Variants in FOXO3 observed in about 807,000 individuals in gnomAD.
FOXO3 encodes the protein forkhead box O3.
FOXO3 carries 4 observed loss-of-function variants against 41.9 expected under a neutral mutation model. That is an observed-to-expected ratio of 0.10 (90% CI 0.05 to 0.22). The LOEUF (loss-of-function observed/expected upper bound fraction) is 0.22. Among genes scored for constraint, FOXO3 ranks in the 10% least tolerant of loss-of-function variants. The pLI is 1.00. For synonymous variants in FOXO3, 318 were observed against 389.3 expected, an observed-to-expected ratio of 0.82 and a Z score of 2.16; for missense variants, 534 against 906.8, an observed-to-expected ratio of 0.59 and a Z score of 5.28.
At chr6:108,609,757 T>C (rs1777306927) in intron 1 of FOXO3, among the ~76,000 whole-genome samples, 2 of 152,238 alleles carry the variant, frequency 1.3e-5, no homozygotes, top group African/African-American at 4.8e-5. Context: ...TTCTCACTCA[T>C]TTCTTCAGGA....
chr6:108,576,490 G>A (rs999210026), intron 1 of FOXO3, among the ~76,000 whole-genome samples: 1 of 152,204 alleles, frequency 6.6e-6, no homozygotes, highest in Non-Finnish European at 1.5e-5. Context: ...GGTGCCATGT[G>A]TTAAATTAGG....
chr6:108,663,076 T>TA (rs1778918432), intron 1 of FOXO3, among the ~76,000 whole-genome samples: 1 of 152,160 alleles, frequency 6.6e-6, no homozygotes, highest in African/African-American at 2.4e-5. Context: ...GAGGCAGCTT[T>TA]AAAAAATGAG....
At chr6:108,608,561 A>G (rs1777272094) in intron 1 of FOXO3, among the ~76,000 whole-genome samples, 1 of 152,182 alleles carries the variant, frequency 6.6e-6, no homozygotes, top group Non-Finnish European at 1.5e-5. Context: ...ATCCAGGAAC[A>G]AAAATACTCT....
intron 1 of FOXO3, among the ~76,000 whole-genome samples, chr6:108,650,377 T>C (rs1778514671): frequency 6.6e-6 from 1 of 152,208 alleles, no homozygotes. Context: ...TACGTTCTTT[T>C]AGCCCCTGAG....
intron 2 of FOXO3, among the ~76,000 whole-genome samples, chr6:108,677,731 T>G (rs966295992): frequency 6.6e-6 from 1 of 152,152 alleles, no homozygotes; most frequent in Admixed American, 6.5e-5. Flanking sequence ...TCCAGAGGAC[T>G]GTGCCTGTGA....
intron 1 of FOXO3, among the ~76,000 whole-genome samples, chr6:108,660,409 G>A (rs946392569): frequency 6.6e-6 from 1 of 152,174 alleles, no homozygotes; most frequent in African/African-American, 2.4e-5. Context: ...TACTCAGCAT[G>A]TTGCTTATGT....
chr6:108,560,518 G>A (rs367617575), upstream of FOXO3, among the ~76,000 whole-genome samples: 2 of 152,302 alleles, frequency 1.3e-5, no homozygotes, highest in East Asian at 3.9e-4. Context: ...GCGAAGAGGG[G>A]AGAGGGAGCT....
At chr6:108,648,258 G>A (rs1778447146) in intron 1 of FOXO3, among the ~76,000 whole-genome samples, 1 of 152,222 alleles carries the variant, frequency 6.6e-6, no homozygotes, top group East Asian at 1.9e-4. Flanking sequence ...GGAGATGGGA[G>A]TAGGAATGGA....
chr6:108,604,596 G>A (rs1476859254), intron 1 of FOXO3, among the ~76,000 whole-genome samples: 1 of 152,144 alleles, frequency 6.6e-6, no homozygotes, highest in Non-Finnish European at 1.5e-5. Flanking sequence ...CAAGAAATAA[G>A]TGTTACAGTG....
chr6:108,563,941 G>A (rs1192921029), intron 1 of FOXO3, among the ~76,000 whole-genome samples: 3 of 150,454 alleles, frequency 2.0e-5, no homozygotes, highest in South Asian at 2.1e-4. Flanking sequence ...TTATGTCATC[G>A]TTTTTTTGTC....
At chr6:108,598,262 T>C (rs1160477233) in intron 1 of FOXO3, among the ~76,000 whole-genome samples, 1 of 152,180 alleles carries the variant, frequency 6.6e-6, no homozygotes, top group Non-Finnish European at 1.5e-5. Flanking sequence ...TTTCTGTTCT[T>C]TGTAGAATTT....
chr6:108,595,618 C>A (rs1358525509), intron 1 of FOXO3, among the ~76,000 whole-genome samples: 1 of 151,994 alleles, frequency 6.6e-6, no homozygotes, highest in Non-Finnish European at 1.5e-5. Flanking sequence ...TAATACAAAT[C>A]CTAAAGATAG....
chr6:108,676,618 T>G (rs554798091), intron 2 of FOXO3, among the ~76,000 whole-genome samples: 1 of 152,346 alleles, frequency 6.6e-6, no homozygotes, highest in East Asian at 1.9e-4. Flanking sequence ...AATAACCGTA[T>G]AACTAAAATG....
intron 1 of FOXO3, among the ~76,000 whole-genome samples, chr6:108,587,016 G>A (rs963102522): frequency 2.0e-5 from 3 of 149,948 alleles, no homozygotes; most frequent in Non-Finnish European, 3.0e-5. Flanking sequence ...TTGCTGTGTT[G>A]CCTAGACTGG....
At chr6:108,597,751 G>T (rs1014557780) in intron 1 of FOXO3, among the ~76,000 whole-genome samples, 3 of 152,164 alleles carry the variant, frequency 2.0e-5, no homozygotes, top group Admixed American at 1.3e-4. Flanking sequence ...TCCAGCTGCA[G>T]CATGTGAGGT....
chr6:108,646,806 AG>A (rs1778403783), intron 1 of FOXO3, among the ~76,000 whole-genome samples: 1 of 152,222 alleles, frequency 6.6e-6, no homozygotes, highest in South Asian at 2.1e-4. Flanking sequence ...GGTTTAGTTC[AG>A]AAGAGAAAAT....
intron 1 of FOXO3, among the ~76,000 whole-genome samples, chr6:108,593,380 T>G (rs963676121): frequency 6.6e-6 from 1 of 152,030 alleles, no homozygotes; most frequent in Non-Finnish European, 1.5e-5. Context: ...CTTTGCTGTG[T>G]ATTTCTTTTT....
In FOXO3 at chr6:108,680,898, A is replaced by G. The variant is rs1055636591; in HGVS notation, c.*1106A>G. Reference sequence around the variant, plus strand: ...TTCTAACTTCACTGTTTTCCTAAATACACATCCTTGATTATTTTCAGCCTT... The same window carrying G: ...TTCTAACTTCACTGTTTTCCTAAATGCACATCCTTGATTATTTTCAGCCTT... On this transcript the variant is annotated 3_prime_UTR_variant, in exon 3 of 3. Transcript: ENST00000406360. 8 of 152,708 alleles carry G rather than the reference A, an allele frequency of 5.2e-5. No individual in the cohort carries two copies. The highest frequency in any genetic ancestry group is 1.9e-4 in the East Asian group (1 of 5,190). 9.5% of individuals were successfully genotyped at this position (152,708 alleles called of 1,614,324 possible).
At chr6:108,678,215 GA>G (rs1413511646) in intron 2 of FOXO3, among the ~76,000 whole-genome samples, 2 of 152,192 alleles carry the variant, frequency 1.3e-5, no homozygotes, top group Non-Finnish European at 2.9e-5. Context: ...AATTCCTGAT[GA>G]CCCTACGGTA....
Sources: gnomAD v4.1 joint callset for allele counts (sites outside exome capture counted in the v4.1 genomes callset) on GRCh38, gnomAD v4.1.1 for gene constraint, MANE v1.5 for transcripts, NCBI Gene and HGNC (gene_info 2026-07-23, HGNC 2026-07-21) for gene names.